XIRP2: variants seen among roughly 807,000 people sequenced by gnomAD.
XIRP2 encodes xin actin-binding repeat-containing protein 2.
Under a neutral mutation model 277.0 loss-of-function variants are expected in XIRP2, and 236 were observed. The observed-to-expected ratio is 0.85, with a 90% CI of 0.77 to 0.95. The LOEUF (loss-of-function observed/expected upper bound fraction) is 0.95, where lower values mean the gene tolerates loss of function less well. XIRP2 is among the 40% of genes least tolerant of loss of function. The pLI is 0.00. For missense variants in XIRP2, 4,640 were observed against 4,157.5 expected, an observed-to-expected ratio of 1.12 and a Z score of -3.19; for synonymous variants, 1,490 against 1,416.5, an observed-to-expected ratio of 1.05 and a Z score of -1.17.
At chr2:167,204,381 G>A (rs1340766534) in intron 3 of XIRP2, among the ~76,000 whole-genome samples, 1 of 152,056 alleles carries the variant, frequency 6.6e-6, no homozygotes, top group Non-Finnish European at 1.5e-5. Context: ...TTTATTTACT[G>A]AGCATAGTGA....
chr2:166,965,720 A>G (rs1166385353), intron 2 of XIRP2, among the ~76,000 whole-genome samples: 1 of 151,832 alleles, frequency 6.6e-6, no homozygotes, highest in Admixed American at 6.6e-5. Context: ...AGTAGCTGGG[A>G]ACACAAGCAT....
At chr2:167,024,850 G>C (rs1410710807) in intron 2 of XIRP2, among the ~76,000 whole-genome samples, 1 of 152,100 alleles carries the variant, frequency 6.6e-6, no homozygotes, top group Non-Finnish European at 1.5e-5. Flanking sequence ...GCTGGATTTG[G>C]TTTGCCAGTA....
At chr2:166,925,609 A>G (rs984531423) in intron 2 of XIRP2, among the ~76,000 whole-genome samples, 2 of 143,902 alleles carry the variant, frequency 1.4e-5, no homozygotes, top group Non-Finnish European at 3.0e-5. Flanking sequence ...ATATATATAT[A>G]TATATATATA....
At chr2:167,116,074 C>T (rs1297238543) in intron 2 of XIRP2, among the ~76,000 whole-genome samples, 1 of 152,102 alleles carries the variant, frequency 6.6e-6, no homozygotes, top group South Asian at 2.1e-4. Context: ...TCTTGGTATA[C>T]ATTCCAAGGA....
intron 2 of XIRP2, among the ~76,000 whole-genome samples, chr2:167,107,980 G>C (rs1001509308): frequency 1.3e-5 from 2 of 151,514 alleles, no homozygotes; most frequent in African/African-American, 4.8e-5. Flanking sequence ...CAATGAATTA[G>C]TTTGTATATT....
chr2:167,066,768 T>C (rs1468243348), intron 2 of XIRP2, among the ~76,000 whole-genome samples: 1 of 152,104 alleles, frequency 6.6e-6, no homozygotes, highest in East Asian at 1.9e-4. Flanking sequence ...AAAGAAAATG[T>C]GGCATATACA....
chr2:166,938,500 G>C (rs1685585693), intron 2 of XIRP2, among the ~76,000 whole-genome samples: 1 of 152,214 alleles, frequency 6.6e-6, no homozygotes, highest in Non-Finnish European at 1.5e-5. Flanking sequence ...TTGCTGAGGA[G>C]TGCTTTACTT....
intron 2 of XIRP2, among the ~76,000 whole-genome samples, chr2:167,111,456 G>T (rs973028307): frequency 6.6e-6 from 1 of 152,100 alleles, no homozygotes; most frequent in African/African-American, 2.4e-5. Flanking sequence ...TTTTAGTTTT[G>T]TTGGTGTGCT....
intron 2 of XIRP2, among the ~76,000 whole-genome samples, chr2:167,075,609 A>G (rs1182709499): frequency 6.6e-6 from 1 of 152,156 alleles, no homozygotes; most frequent in Non-Finnish European, 1.5e-5. Context: ...GCCAGGACCA[A>G]TATTTATAAG....
At chr2:167,003,579 G>A (rs1687426724) in intron 2 of XIRP2, among the ~76,000 whole-genome samples, 1 of 151,890 alleles carries the variant, frequency 6.6e-6, no homozygotes, top group South Asian at 2.1e-4. Flanking sequence ...GGAACAGCAT[G>A]TAACTCAGTA....
chr2:167,241,336 A>G (rs1695057929), intron 7 of XIRP2, among the ~76,000 whole-genome samples: 1 of 152,156 alleles, frequency 6.6e-6, no homozygotes, highest in Admixed American at 6.5e-5. Context: ...GTCTTCTGAA[A>G]TTCCTTTTCT....
chr2:167,178,447 G>C (rs958690184), intron 3 of XIRP2, among the ~76,000 whole-genome samples: 3 of 152,054 alleles, frequency 2.0e-5, no homozygotes, highest in Non-Finnish European at 2.9e-5. Context: ...ACTTAGTTGG[G>C]TTTCCAAAGG....
In XIRP2 at chr2:167,250,941, C is replaced by A. The variant is rs1391268081; in HGVS notation, c.9549C>A (p.Val3183=). Residue 3183 remains valine (V), a synonymous_variant, in exon 9 of 11, where the codon GTC becomes GTA. Transcript: ENST00000409195. ...SPPRSRSEQL[V]RLKDTTAKLS... is the part of the protein sequence containing the mutation. ...CCAGGAGTCGCTCTGAACAACTTGT[C>A]AGACTCAAAGACACCACTGCAAAGT... is the stretch of plus-strand genomic sequence containing the variant. The A allele has an allele frequency of 1.2e-6, 2 of 1,613,494 alleles. No homozygotes were observed. Among genetic ancestry groups the A allele is most frequent in the African/African-American group, 2.7e-5 (2 of 74,816 alleles).
intron 3 of XIRP2, among the ~76,000 whole-genome samples, chr2:167,156,485 A>T (rs185926797): frequency 2.7e-5 from 4 of 147,968 alleles, no homozygotes; most frequent in Admixed American, 2.0e-4. Flanking sequence ...CTTCTGTAAG[A>T]TGTATCTATA....
chr2:167,011,252 A>G (rs1687671220), intron 2 of XIRP2, among the ~76,000 whole-genome samples: 2 of 151,458 alleles, frequency 1.3e-5, no homozygotes, highest in East Asian at 1.9e-4. Context: ...TCCCATCAAT[A>G]CCTATTTTAT....
At chr2:166,893,138 C>A (rs1188809803) in intron 1 of XIRP2, among the ~76,000 whole-genome samples, 1 of 151,670 alleles carries the variant, frequency 6.6e-6, no homozygotes, top group Non-Finnish European at 1.5e-5. Flanking sequence ...TGGTCATTCT[C>A]TGGTAGTGAA....
In XIRP2 at chr2:167,246,845, A is replaced by AT; in HGVS notation, c.5453_5454insT (p.Lys1818AsnfsTer13). 1.2e-6 allele frequency: 2 copies of AT among 1,613,888 alleles called. No individual in the cohort carries two copies. The highest frequency in any genetic ancestry group is 1.7e-6 in the Non-Finnish European group (2 of 1,179,864). On this transcript the variant is annotated frameshift_variant, in exon 9 of 11. Transcript: ENST00000409195. LOFTEE classifies it high-confidence loss of function. ...CCTGGAGATGTGCATAACACAGTTAAGGTTTTTATGACCGAGCCTCAGAGT... is the reference window on the plus strand; with the variant it reads ...CCTGGAGATGTGCATAACACAGTTAATGGTTTTTATGACCGAGCCTCAGAGT...
chr2:167,249,550 C>A lies in XIRP2; in HGVS notation c.8158C>A (p.His2720Asn), dbSNP rs369448394. The A allele has an allele frequency of 1.9e-6, 3 of 1,613,468 alleles. No homozygotes were observed. In the Admixed American group the frequency reaches 5.0e-5, roughly 27 times the overall value. ...AACCATCAAACTTCCAACTCTAGAT[C>A]ATACATTAAATGAAACAGACCACAG... Reference protein sequence around the residue: ...VKTIKLPTLDHTLNETDHSYE... With the variant: ...VKTIKLPTLDNTLNETDHSYE... Residue 2720 changes from histidine to asparagine, a missense_variant, in exon 9 of 11, where the codon CAT (histidine) becomes AAT (asparagine). Transcript: ENST00000409195.
At chr2:167,020,572 T>G (rs961117751) in intron 2 of XIRP2, among the ~76,000 whole-genome samples, 9 of 151,324 alleles carry the variant, frequency 5.9e-5, no homozygotes, top group South Asian at 2.1e-4. Flanking sequence ...TATAAATTGT[T>G]TGTGTGTGTG....
Sources: gnomAD v4.1 joint callset for allele counts (sites outside exome capture counted in the v4.1 genomes callset) on GRCh38, gnomAD v4.1.1 for gene constraint, MANE v1.5 for transcripts, NCBI Gene and HGNC (gene_info 2026-07-23, HGNC 2026-07-21) for gene names.